Variants in S100A10 observed in about 807,000 individuals in gnomAD.
S100A10 encodes the protein S100 calcium binding protein A10.
Under a neutral mutation model 7.1 loss-of-function variants are expected in S100A10, and 3 were observed. That is an observed-to-expected ratio of 0.42 (90% CI 0.19 to 1.10). The LOEUF (loss-of-function observed/expected upper bound fraction) is 1.10, where lower values mean the gene tolerates loss of function less well. Ranked by LOEUF, S100A10 falls within the 50% of genes least tolerant of loss-of-function variation. The pLI is 0.29. For synonymous variants in S100A10, 41 were observed against 39.3 expected (o/e 1.04, Z -0.16); for missense variants, 101 against 118.1 (o/e 0.86, Z 0.67).
In S100A10 at chr1:151,987,792, T is replaced by C. The variant is rs1655826134; in HGVS notation, c.-21-1541A>G. Among the ~76,000 whole-genome samples, 3 of 152,202 alleles carry C rather than the reference T, an allele frequency of 2.0e-5. No homozygotes were observed. In the South Asian group the frequency reaches 6.2e-4, roughly 31 times the overall value. Reference sequence around the variant, plus strand: ...ATCCGCCCACCTCGGCCTCCCAAAGTGCTGGGATTACAGGCGTGAGCCACT... The same window carrying C: ...ATCCGCCCACCTCGGCCTCCCAAAGCGCTGGGATTACAGGCGTGAGCCACT... On this transcript the variant is annotated intron_variant, in intron 1 of 2. Coordinates refer to ENST00000368811, the MANE Select transcript of S100A10 (RefSeq NM_002966.3).
At position 151,993,592 on chromosome 1, in the gene S100A10, T is replaced by C. The variant is rs1655956836; in HGVS notation, c.-22+160A>G. Among the ~76,000 whole-genome samples the C allele has an allele frequency of 6.6e-6, 1 of 152,054 alleles. No homozygotes were observed. Among genetic ancestry groups the C allele is most frequent in the Non-Finnish European group, 1.5e-5 (1 of 67,986 alleles). On this transcript the variant is annotated intron_variant, in intron 1 of 2. Coordinates refer to ENST00000368811, the MANE Select transcript of S100A10 (RefSeq NM_002966.3). This position sits in a 1 kb window ranked among gnomAD's most constrained non-coding sequence, Gnocchi z 5.1. ...GGGCGCTGCTGGCCTCGTTTGGGTG[T>C]GGCCCGGAGCACTGAGCAGCGGATT...
Position 151,993,246 on chromosome 1 carries a change from G to A in S100A10, c.-22+506C>T, listed in dbSNP as rs1482294607. Reference sequence around the variant, plus strand: ...GTTTGGCCGACGGACTAAGGGTTACGGAAGGGACGCCCCAGCTGCCTACTC... The same window carrying A: ...GTTTGGCCGACGGACTAAGGGTTACAGAAGGGACGCCCCAGCTGCCTACTC... On this transcript the variant is annotated intron_variant, in intron 1 of 2. Coordinates refer to ENST00000368811, the MANE Select transcript of S100A10 (RefSeq NM_002966.3). This position sits in a 1 kb window ranked among gnomAD's most constrained non-coding sequence, Gnocchi z 5.1. 3.3e-5 allele frequency among the ~76,000 whole-genome samples: 5 copies of A among 152,140 alleles called. No individual in the cohort carries two copies. Among genetic ancestry groups the A allele is most frequent in the African/African-American group, 7.2e-5 (3 of 41,442 alleles).
At chr1:151,992,296 T>C (rs1265768548) in intron 1 of S100A10, among the ~76,000 whole-genome samples, 5 of 152,190 alleles carry the variant, frequency 3.3e-5, no homozygotes, top group Non-Finnish European at 7.3e-5. Flanking sequence ...ACTCCATTCC[T>C]GGAGACTGAA....
chr1:151,985,732 TC>T (rs1291641029), intron 2 of S100A10, among the ~76,000 whole-genome samples: 1 of 152,138 alleles, frequency 6.6e-6, no homozygotes, highest in Non-Finnish European at 1.5e-5. Flanking sequence ...GCTTTCTTTC[TC>T]CCAACTCTGT....
At chr1:151,990,573 A>G (rs900963265) in intron 1 of S100A10, among the ~76,000 whole-genome samples, 1 of 152,206 alleles carries the variant, frequency 6.6e-6, no homozygotes, top group African/African-American at 2.4e-5. Context: ...TGGACTCCAC[A>G]AATTTAGTTA....
rs1042316304 is a variant in S100A10 at position 151,985,963 on chromosome 1, C to A, written c.132+136G>T. 10 of 614,596 alleles carry A rather than the reference C, an allele frequency of 1.6e-5. No homozygotes were observed. In the Middle Eastern group the frequency reaches 2.1e-3, roughly 128 times the overall value. 38.1% of individuals were successfully genotyped at this position (614,596 alleles called of 1,614,324 possible). On this transcript the variant is annotated intron_variant, in intron 2 of 2. Transcript: ENST00000368811. ...GAATGAATGAGGTCATTCATTCATT[C>A]CTTCAGGTGACTACATTCATTTATT...
intron 1 of S100A10, among the ~76,000 whole-genome samples, chr1:151,992,944 A>G (rs1447675611): frequency 1.3e-5 from 2 of 152,234 alleles, no homozygotes. Flanking sequence ...GTGGTGAACC[A>G]AGTACCAAAG....
At chr1:151,987,768 T>C (rs1186883086) in intron 1 of S100A10, among the ~76,000 whole-genome samples, 1 of 152,136 alleles carries the variant, frequency 6.6e-6, no homozygotes, top group Non-Finnish European at 1.5e-5. Context: ...GACCTCGTGA[T>C]CCGCCCACCT....
intron 1 of S100A10, among the ~76,000 whole-genome samples, chr1:151,992,305 A>T (rs1365646071): frequency 6.6e-6 from 1 of 152,230 alleles, no homozygotes; most frequent in Non-Finnish European, 1.5e-5. Context: ...CTGGAGACTG[A>T]AACTCAAGCT....
At chr1:151,988,870 G>A (rs534939223) in intron 1 of S100A10, among the ~76,000 whole-genome samples, 17 of 152,292 alleles carry the variant, frequency 1.1e-4, no homozygotes, top group African/African-American at 3.9e-4. Context: ...GGAGAAGGAC[G>A]TGGGATCCCA....
chr1:151,986,525 G>A (rs1000855432), intron 1 of S100A10, among the ~76,000 whole-genome samples: 1 of 152,158 alleles, frequency 6.6e-6, no homozygotes, highest in Non-Finnish European at 1.5e-5. Context: ...TAGTCACGTT[G>A]TTGTACAGTA....
At chr1:151,984,802 A>C (rs1349774787) in intron 2 of S100A10, among the ~76,000 whole-genome samples, 3 of 152,192 alleles carry the variant, frequency 2.0e-5, no homozygotes, top group African/African-American at 7.2e-5. Context: ...CTTGCAGATA[A>C]TTATGTCCAG....
At chr1:151,987,686 C>T (rs1655822861) in intron 1 of S100A10, among the ~76,000 whole-genome samples, 1 of 151,864 alleles carries the variant, frequency 6.6e-6, no homozygotes. Context: ...ACTACAGGTG[C>T]CCGCCACCGC....
In S100A10 at chr1:151,993,089, C is replaced by CT. The variant is rs1477453155; in HGVS notation, c.-22+662_-22+663insA. On this transcript the variant is annotated intron_variant, in intron 1 of 2. Transcript: ENST00000368811. This position sits in a 1 kb window ranked among gnomAD's most constrained non-coding sequence, Gnocchi z 5.1. ...AAGGGAACCCTTTCAGTAGAGAAAC[C>CT]ACGTCACACAGGGCCCTCTCCCACA... Among the ~76,000 whole-genome samples, 1 of 152,136 alleles carries CT rather than the reference C, an allele frequency of 6.6e-6. No individual in the cohort carries two copies. The highest frequency in any genetic ancestry group is 1.5e-5 in the Non-Finnish European group (1 of 68,018).
intron 1 of S100A10, 112 bp from the exon 2 acceptor site, chr1:151,986,363 C>A (rs1399356742): frequency 1.3e-6 from 1 of 756,810 alleles, no homozygotes; most frequent in Non-Finnish European, 2.1e-6. Context: ...TTAATGTGTA[C>A]AACATGATGT....
rs1319836028 is a variant in S100A10 at position 151,993,550 on chromosome 1, G to A, written c.-22+202C>T. On this transcript the variant is annotated intron_variant, in intron 1 of 2. Transcript: ENST00000368811. This position sits in a 1 kb window ranked among gnomAD's most constrained non-coding sequence, Gnocchi z 5.1. ...GGTCCGCGTGGGTCTGGGGGCGGCC[G>A]CGCCCGGGCCGGGGAGGGGCGCTGC... 6.6e-6 allele frequency among the ~76,000 whole-genome samples: 1 copy of A among 152,148 alleles called. No homozygotes were observed. The highest frequency in any genetic ancestry group is 1.9e-4 in the East Asian group (1 of 5,180).
In S100A10 at chr1:151,988,963, G is replaced by A. The variant is rs190562261; in HGVS notation, c.-21-2712C>T. Among the ~76,000 whole-genome samples the A allele has an allele frequency of 3.9e-5, 6 of 152,324 alleles. No homozygotes were observed. The East Asian group carries it at 7.7e-4, about 20-fold the overall frequency. ...CTGTGCTCAAGTTCAGAGCAGCAGA[G>A]CACTTCAGGATCAATTCCCAAAGAT... On this transcript the variant is annotated intron_variant, in intron 1 of 2. Transcript: ENST00000368811.
At chr1:151,991,628 A>C (rs1369766396) in intron 1 of S100A10, among the ~76,000 whole-genome samples, 2 of 152,242 alleles carry the variant, frequency 1.3e-5, no homozygotes. Flanking sequence ...GAAAAATGAG[A>C]AACTTAAGAT....
At chr1:151,991,011 G>A (rs1160734314) in intron 1 of S100A10, among the ~76,000 whole-genome samples, 2 of 152,108 alleles carry the variant, frequency 1.3e-5, no homozygotes, top group African/African-American at 4.8e-5. Flanking sequence ...CCCAGATCCC[G>A]GCTGCAGTTT....
Sources: allele counts gnomAD v4.1 joint callset (sites outside exome capture counted in the v4.1 genomes callset), GRCh38; gene constraint gnomAD v4.1.1; non-coding constraint Gnocchi (gnomAD v3.1); transcripts MANE v1.5; gene names NCBI Gene and HGNC (gene_info 2026-07-23, HGNC 2026-07-21).